Variants in RALGAPA1 observed in about 807,000 individuals in gnomAD.
RALGAPA1 encodes the protein ral GTPase-activating protein subunit alpha-1.
RALGAPA1 carries 52 observed loss-of-function variants against 269.6 expected under a neutral mutation model. The ratio of observed to expected loss-of-function variants is 0.19; its 90% confidence interval spans 0.15 to 0.24. RALGAPA1 has a LOEUF of 0.24. Ranked by LOEUF, RALGAPA1 falls within the 10% of genes least tolerant of loss-of-function variation. The probability of loss-of-function intolerance (pLI) is 1.00; values close to 1 mark genes in which losing one functional copy is unlikely to be tolerated. For missense variants in RALGAPA1, 1,917 were observed against 3,013.9 expected (o/e 0.64, Z 8.52); for synonymous variants, 817 against 1,008.3 (o/e 0.81, Z 3.60).
intron 16 of RALGAPA1, among the ~76,000 whole-genome samples, chr14:35,710,817 C>G (rs2068259485): frequency 6.6e-6 from 1 of 152,020 alleles, no homozygotes; most frequent in South Asian, 2.1e-4. Context: ...AAATATTTAC[C>G]ATTGTATTAT....
intron 37 of RALGAPA1, among the ~76,000 whole-genome samples, chr14:35,595,116 A>T (rs2058852865): frequency 6.6e-6 from 1 of 151,924 alleles, no homozygotes; most frequent in Admixed American, 6.6e-5. Flanking sequence ...GAAAATATAC[A>T]GAGATAGAGA....
intron 17 of RALGAPA1, among the ~76,000 whole-genome samples, chr14:35,690,694 C>T (rs2066403604): frequency 2.0e-5 from 3 of 152,116 alleles, no homozygotes; most frequent in African/African-American, 7.2e-5. Context: ...TAGGAAGAAA[C>T]TTTACCTGCC....
chr14:35,561,226 CAAAAAAAAA>C (rs71124706), intron 39 of RALGAPA1, among the ~76,000 whole-genome samples: 14 of 36,782 alleles, frequency 3.8e-4, no homozygotes, highest in Non-Finnish European at 4.9e-4. Flanking sequence ...AACTCTGTCT[CAAAAAAAAA>C]AAAAAAAAAA....
At chr14:35,758,266 AC>A (rs1404272098) in intron 6 of RALGAPA1, among the ~76,000 whole-genome samples, 243 of 145,502 alleles carry the variant, frequency 1.7e-3, no homozygotes, top group African/African-American at 5.9e-3. Context: ...AAAAAAAAAA[AC>A]AAACCGAAAA....
At chr14:35,704,676 A>C (rs544294161) in intron 16 of RALGAPA1, among the ~76,000 whole-genome samples, 1 of 152,300 alleles carries the variant, frequency 6.6e-6, no homozygotes, top group Non-Finnish European at 1.5e-5. Flanking sequence ...AGGTCCTTAC[A>C]TCAGTTTAGA....
chr14:35,655,719 A>G (rs564372620), intron 29 of RALGAPA1, 88 bp downstream of exon 29: 1 of 1,487,672 alleles, frequency 6.7e-7, no homozygotes, highest in South Asian at 1.4e-5. Flanking sequence ...ACATTTACTA[A>G]ATGTTACACA....
intron 1 of RALGAPA1, among the ~76,000 whole-genome samples, chr14:35,799,359 C>T (rs2076809094): frequency 6.6e-6 from 1 of 151,880 alleles, no homozygotes; most frequent in South Asian, 2.1e-4. Flanking sequence ...GTCAGAAGTT[C>T]GAGACCAGCC....
rs2055569922 is a variant in RALGAPA1, at chr14:35,556,070, C to A, written c.7497-6836G>T. Among the ~76,000 whole-genome samples the A allele has an allele frequency of 2.0e-5, 3 of 151,866 alleles. No homozygotes were observed. The South Asian group carries it at 6.2e-4, about 32-fold the overall frequency. ...CTAAAATAAAAATTTGAAAACAAAC[C>A]ACATTTGGCACTTCAGTTTTAAAAG... On this transcript the variant is annotated intron_variant, in intron 39 of 41. Coordinates refer to ENST00000680220, the MANE Select transcript of RALGAPA1 (RefSeq NM_001346249.2).
intron 1 of RALGAPA1, among the ~76,000 whole-genome samples, chr14:35,802,663 G>GA (rs2077062108): frequency 7.4e-6 from 1 of 134,538 alleles, no homozygotes; most frequent in African/African-American, 2.8e-5. Context: ...GTGGTGGTGG[G>GA]TTTTTTTTTT....
intron 35 of RALGAPA1, among the ~76,000 whole-genome samples, chr14:35,612,668 G>A (rs1275344774): frequency 2.0e-5 from 3 of 151,430 alleles, no homozygotes; most frequent in Non-Finnish European, 4.4e-5. Context: ...CCTCCTGAGT[G>A]GCTGGGACTA....
At chr14:35,540,463 AAAAC>A (rs1246461264) in intron 41 of RALGAPA1, among the ~76,000 whole-genome samples, 4 of 152,350 alleles carry the variant, frequency 2.6e-5, no homozygotes, top group Non-Finnish European at 5.9e-5. Context: ...TTTTAGAAGT[AAAAC>A]AAAATCAAAT....
intron 26 of RALGAPA1, among the ~76,000 whole-genome samples, chr14:35,665,477 C>A (rs2063854091): frequency 6.6e-6 from 1 of 151,982 alleles, no homozygotes; most frequent in African/African-American, 2.4e-5. Context: ...TTAATAATAC[C>A]TAACAAAAAT....
At chr14:35,713,026 A>G (rs75331508) in intron 16 of RALGAPA1, among the ~76,000 whole-genome samples, 1 of 152,246 alleles carries the variant, frequency 6.6e-6, no homozygotes, top group Admixed American at 6.5e-5. Flanking sequence ...AAATCATGGT[A>G]AGATTTTCAA....
rs145983376 is a variant in RALGAPA1 at position 35,739,449 on chromosome 14, G to C, written c.1450-799C>G. ...CCTTTCTCTTAAGCTCCATGTCCCT[G>C]TAATCAAGTGTCTTCTGAAGAGCCC... On this transcript the variant is annotated intron_variant, in intron 11 of 41. Coordinates refer to ENST00000680220, the MANE Select transcript of RALGAPA1 (RefSeq NM_001346249.2). Among the ~76,000 whole-genome samples, 567 of 152,200 alleles carry C rather than the reference G, an allele frequency of 3.7e-3. 2 individuals are homozygous for C. The highest frequency in any genetic ancestry group is 0.013 in the African/African-American group (521 of 41,526).
chr14:35,782,771 G>C (rs2075537421), intron 1 of RALGAPA1, among the ~76,000 whole-genome samples: 1 of 151,876 alleles, frequency 6.6e-6, no homozygotes, highest in Non-Finnish European at 1.5e-5. Flanking sequence ...TGCAAAAACT[G>C]ACAAGCTAAT....
At chr14:35,752,490 T>G (rs894470861) in intron 7 of RALGAPA1, among the ~76,000 whole-genome samples, 9 of 152,042 alleles carry the variant, frequency 5.9e-5, no homozygotes, top group African/African-American at 2.2e-4. Context: ...ACAAAATACA[T>G]AAGCATATGT....
At chr14:35,749,753 A>T (rs1595421130) in intron 9 of RALGAPA1, among the ~76,000 whole-genome samples, 1 of 152,174 alleles carries the variant, frequency 6.6e-6, no homozygotes, top group East Asian at 1.9e-4. Context: ...TAAGAGGAAT[A>T]AAAGTCAAAT....
chr14:35,645,389 G>A (rs1031254773), intron 31 of RALGAPA1, among the ~76,000 whole-genome samples: 37 of 141,260 alleles, frequency 2.6e-4, no homozygotes, highest in Admixed American at 1.7e-3. Flanking sequence ...GTGTGTGTGT[G>A]TATATGTTAT....
intron 1 of RALGAPA1, among the ~76,000 whole-genome samples, chr14:35,796,517 C>G (rs1181681509): frequency 6.6e-6 from 1 of 152,030 alleles, no homozygotes; most frequent in African/African-American, 2.4e-5. Flanking sequence ...TATAAACCCA[C>G]AAATCCAAGA....
Sources: gnomAD v4.1 joint callset for allele counts (sites outside exome capture counted in the v4.1 genomes callset) on GRCh38, gnomAD v4.1.1 for gene constraint, MANE v1.5 for transcripts, NCBI Gene and HGNC (gene_info 2026-07-23, HGNC 2026-07-21) for gene names.